The following ZFHX2 variants were observed in gnomAD, a reference collection of about 807,000 sequenced individuals.
The protein encoded by ZFHX2 is zinc finger homeobox protein 2.
ZFHX2 carries 75 observed loss-of-function variants against 164.8 expected under a neutral mutation model. The observed-to-expected ratio is 0.46, with a 90% CI of 0.38 to 0.55. The LOEUF (loss-of-function observed/expected upper bound fraction) is 0.55. Among genes scored for constraint, ZFHX2 ranks in the 20% least tolerant of loss-of-function variants. The pLI is 0.00. For synonymous variants in ZFHX2, 1,217 were observed against 1,351.4 expected, an observed-to-expected ratio of 0.90 and a Z score of 2.18; for missense variants, 2,933 against 3,308.0, an observed-to-expected ratio of 0.89 and a Z score of 2.78.
Position 23,525,716 on chromosome 14 carries a change from T to G in ZFHX2, c.4226A>C (p.Glu1409Ala). ...TTTGGCCATGGGGGGCCGCTCCCAC[T>G]CCCGCTCAGCCAGCTCAGCCTTGGG... ...QPPKAELAER[E>A]WERPPMAKEG... The change falls in exon 9 of 10, where the codon GAG becomes GCG. Residue 1409 changes from glutamate (E) to alanine (A), a missense_variant. Transcript: ENST00000419474. This position sits in a 1 kb window ranked among gnomAD's most constrained non-coding sequence, Gnocchi z 5.9. 6.6e-7 allele frequency: 1 copy of G among 1,518,802 alleles called. No individual in the cohort carries two copies. Among genetic ancestry groups the G allele is most frequent in the Non-Finnish European group, 8.8e-7 (1 of 1,137,298 alleles). 94.1% of individuals were successfully genotyped at this position (1,518,802 alleles called of 1,614,324 possible). A position where few individuals can be genotyped will look rare whatever the true frequency, so the allele number is the denominator to read the frequency against.
Position 23,522,695 on chromosome 14 carries a change from T to C in ZFHX2, c.6986A>G (p.Asn2329Ser). The C allele has an allele frequency of 6.5e-7, 1 of 1,536,464 alleles. No individual in the cohort carries two copies. Among genetic ancestry groups the C allele is most frequent in the South Asian group, 1.2e-5 (1 of 84,050 alleles). ...PTSSSNDALKNLKALKTTVPA... is the reference protein window; with the variant it reads ...PTSSSNDALKSLKALKTTVPA... ...GACAGTGGTCTTCAATGCTTTGAGG[T>C]TCTTGAGGGCATCATTGGAGGAGCT... Residue 2329 changes from asparagine (N) to serine (S), a missense_variant, in exon 10 of 10, where the codon AAC becomes AGC. Transcript: ENST00000419474.
Position 23,526,105 on chromosome 14 carries a change from G to C in ZFHX2, c.3837C>G (p.Thr1279=), listed in dbSNP as rs1212635104. ...SVLHQTRSRG[T]KTDSKIEGPE... ...GCCCTTCAATCTTGGAATCAGTCTT[G>C]GTTCCCCGAGAGCGAGTCTGATGCA... is the stretch of plus-strand genomic sequence containing the variant. The change falls in exon 9 of 10, where the codon ACC becomes ACG. Residue 1279 remains threonine (T), a synonymous_variant. Transcript: ENST00000419474. 2 of 1,536,346 alleles carry C rather than the reference G, an allele frequency of 1.3e-6. No homozygotes were observed. Among genetic ancestry groups the C allele is most frequent in the African/African-American group, 2.7e-5 (2 of 73,006 alleles).
chr14:23,525,832 G>C lies in ZFHX2; in HGVS notation c.4110C>G (p.His1370Gln), dbSNP rs555668616. ...QQQLLLPFYL[H>Q]DLKVGPKLTL... ...TCAGCTTGGGCCCCACCTTGAGATC[G>C]TGGAGGTAGAAGGGCAGGAGCAGCT... is the stretch of plus-strand genomic sequence containing the variant. The change falls in exon 9 of 10, where the codon CAC becomes CAG. Residue 1370 changes from histidine to glutamine, a missense_variant. His to Gln is a conservative substitution (Grantham distance 24). Coordinates refer to ENST00000419474, the MANE Select transcript of ZFHX2 (RefSeq NM_033400.3). The surrounding 1 kb of genome is among the most constrained non-coding windows in gnomAD (Gnocchi z 5.9). The C allele has an allele frequency of 2.7e-6, 4 of 1,457,808 alleles. No individual in the cohort carries two copies. Among genetic ancestry groups the C allele is most frequent in the African/African-American group, 2.8e-5 (2 of 70,362 alleles). 90.3% of individuals were successfully genotyped at this position (1,457,808 alleles called of 1,614,324 possible).
Position 23,535,773 on chromosome 14 carries a change from G to A in ZFHX2, c.-49-399C>T, listed in dbSNP as rs1181780480. Among the ~76,000 whole-genome samples the A allele has an allele frequency of 6.6e-6, 1 of 152,002 alleles. No individual in the cohort carries two copies. Among genetic ancestry groups the A allele is most frequent in the African/African-American group, 2.4e-5 (1 of 41,352 alleles). On this transcript the variant is annotated intron_variant, in intron 1 of 9. Transcript: ENST00000419474. The surrounding 1 kb of genome is among the most constrained non-coding windows in gnomAD (Gnocchi z 4.5). Reference sequence around the variant, plus strand: ...ACACCTGACTAATTTTGTATTTTTAGTAGAGACGGGGTTTCTCCGTGTTGG... The same window carrying A: ...ACACCTGACTAATTTTGTATTTTTAATAGAGACGGGGTTTCTCCGTGTTGG...
At chr14:23,552,917 T>A (rs1882084146), upstream of ZFHX2, among the ~76,000 whole-genome samples, 1 of 152,042 alleles carries the variant, frequency 6.6e-6, no homozygotes, top group South Asian at 2.1e-4. Context: ...TGTATTCTAA[T>A]AATAATTTTT....
chr14:23,523,306 CATGGAGGCAGGT>C lies in ZFHX2; in HGVS notation c.6624_6635del (p.Ala2210_Pro2213del). 3.5e-6 allele frequency: 5 copies of C among 1,448,860 alleles called. No homozygotes were observed. The highest frequency in any genetic ancestry group is 4.5e-6 in the Non-Finnish European group (5 of 1,105,650). The allele number at this position is 1,448,860 out of a possible 1,614,324, so 89.8% of individuals were successfully genotyped here. ...GCAAGGTTGGGGCAGCCCCGAGGGG[CATGGAGGCAGGT>C]GTGGTGGCAGGTGGGGCCTTGAGAG... is the stretch of plus-strand genomic sequence containing the variant. On this transcript the variant is annotated inframe_deletion, in exon 9 of 10. Transcript: ENST00000419474. This position sits in a 1 kb window ranked among gnomAD's most constrained non-coding sequence, Gnocchi z 4.1.
chr14:23,526,778 T>C (rs1878769201), intron 8 of ZFHX2, 69 bp downstream of exon 8: 3 of 1,527,888 alleles, frequency 2.0e-6, no homozygotes, highest in Non-Finnish European at 2.6e-6. Context: ...CTCAGTCATC[T>C]TCAGACCTTG....
At chr14:23,531,404 A>G (rs1879535595) in intron 4 of ZFHX2, 77 bp downstream of exon 4, 1 of 1,331,294 alleles carries the variant, frequency 7.5e-7, no homozygotes. Context: ...TGTATCTCTA[A>G]CTCCGCAGCC....
Position 23,530,113 on chromosome 14 carries a change from A to G in ZFHX2, c.2875+7T>C, listed in dbSNP as rs1433457208. 6.5e-7 allele frequency: 1 copy of G among 1,535,866 alleles called. No homozygotes were observed. Among genetic ancestry groups the G allele is most frequent in the Non-Finnish European group, 8.7e-7 (1 of 1,146,758 alleles). On this transcript the variant is annotated splice_region_variant and intron_variant, in intron 5 of 9. Coordinates refer to ENST00000419474, the MANE Select transcript of ZFHX2 (RefSeq NM_033400.3). ...GGAGGACTGGGGGGAAGGGAGGGAAAACTCACCCAATTGTTCTGTCTTGTT... is the reference window on the plus strand; with the variant it reads ...GGAGGACTGGGGGGAAGGGAGGGAAGACTCACCCAATTGTTCTGTCTTGTT...
chr14:23,552,076 C>CT (rs1217154958), upstream of ZFHX2, among the ~76,000 whole-genome samples: 1 of 152,106 alleles, frequency 6.6e-6, no homozygotes, highest in Non-Finnish European at 1.5e-5. Flanking sequence ...CCAAGGCCTC[C>CT]TTTTTTCATT....
chr14:23,534,981 G>A lies in ZFHX2; in HGVS notation c.345C>T (p.Phe115=). The A allele has an allele frequency of 3.9e-6, 6 of 1,536,168 alleles. No individual in the cohort carries two copies. Among genetic ancestry groups the A allele is most frequent in the Non-Finnish European group, 5.2e-6 (6 of 1,146,916 alleles). Residue 115 remains phenylalanine, a synonymous_variant, in exon 2 of 10, where the codon TTC becomes TTT. Transcript: ENST00000419474. This position sits in a 1 kb window ranked among gnomAD's most constrained non-coding sequence, Gnocchi z 4.5. The part of the protein sequence containing the change: ...LPPMDLSNHL[F]FTAGGEAYLV... ...GGTAGGCCTCACCTCCAGCTGTGAA[G>A]AATAAGTGGTTGCTTAGGTCCATGG...
intron 6 of ZFHX2, 87 bp from the exon 7 acceptor site, chr14:23,527,891 GC>G: frequency 1.2e-6 from 1 of 868,318 alleles, no homozygotes; most frequent in Non-Finnish European, 1.7e-6. Flanking sequence ...GCACTGGCCC[GC>G]CCCCACTCCT....
chr14:23,538,309 A>C (rs1471396631), intron 1 of ZFHX2, among the ~76,000 whole-genome samples: 4 of 151,484 alleles, frequency 2.6e-5, no homozygotes, highest in Non-Finnish European at 5.9e-5. Flanking sequence ...GCCTCAGTAC[A>C]TCCTCCCCCA....
At chr14:23,538,855 C>T (rs976523149) in intron 1 of ZFHX2, among the ~76,000 whole-genome samples, 4 of 152,040 alleles carry the variant, frequency 2.6e-5, no homozygotes, top group African/African-American at 4.8e-5. Context: ...CAGGCAGTGG[C>T]GGTGCTGTGA....
intron 5 of ZFHX2, 131 bp from the exon 6 acceptor site, chr14:23,529,899 C>G (rs1879302503): frequency 2.9e-6 from 3 of 1,023,598 alleles, no homozygotes; most frequent in Non-Finnish European, 4.3e-6. Flanking sequence ...TGAGGCTTGG[C>G]AAGGGCTGAC....
In ZFHX2 at chr14:23,528,979, C is replaced by T. The variant is rs78623524; in HGVS notation, c.2934+731G>A. On this transcript the variant is annotated intron_variant, in intron 6 of 9. Transcript: ENST00000419474. Reference sequence around the variant, plus strand: ...CCTGGAGCAGACATCTGGAAGAGGTCTGTTGGCGGGAGCAGGAGTTAGGAA... The same window carrying T: ...CCTGGAGCAGACATCTGGAAGAGGTTTGTTGGCGGGAGCAGGAGTTAGGAA... Among the ~76,000 whole-genome samples, 891 of 152,344 alleles carry T rather than the reference C, an allele frequency of 5.8e-3. 9 individuals are homozygous for T. Among genetic ancestry groups the T allele is most frequent in the Admixed American group, 0.011 (172 of 15,308 alleles).
chr14:23,525,582 G>T lies in ZFHX2; in HGVS notation c.4360C>A (p.Gln1454Lys). 2 of 1,535,678 alleles carry T rather than the reference G, an allele frequency of 1.3e-6. No individual in the cohort carries two copies. Among genetic ancestry groups the T allele is most frequent in the Non-Finnish European group, 1.7e-6 (2 of 1,146,862 alleles). ...ACAGCTTGCTTCCCTTCATTGTACT[G>T]GATCACCAGCTCAAAGCCAAAGTTT... Reference protein sequence around the residue: ...LENFGFELVIQYNEGKQAVPP... With the variant: ...LENFGFELVIKYNEGKQAVPP... The change falls in exon 9 of 10, where the codon CAG becomes AAG. Residue 1454 changes from glutamine to lysine, a missense_variant. Physicochemically the swap from Gln to Lys is moderately conservative, Grantham distance 53 (BLOSUM62 1). Transcript: ENST00000419474. This position sits in a 1 kb window ranked among gnomAD's most constrained non-coding sequence, Gnocchi z 5.9.
chr14:23,538,529 G>A (rs577291144), intron 1 of ZFHX2, among the ~76,000 whole-genome samples: 1 of 151,972 alleles, frequency 6.6e-6, no homozygotes, highest in African/African-American at 2.4e-5. Flanking sequence ...AAACGGACAG[G>A]CCTAAGAGTC....
Position 23,534,600 on chromosome 14 carries a change from G to A in ZFHX2, c.726C>T (p.Cys242=), listed in dbSNP as rs971272565. Residue 242 remains cysteine (C), a synonymous_variant, in exon 2 of 10, where the codon TGC becomes TGT. Coordinates refer to ENST00000419474, the MANE Select transcript of ZFHX2 (RefSeq NM_033400.3). This position sits in a 1 kb window ranked among gnomAD's most constrained non-coding sequence, Gnocchi z 4.5. ...HVAVFWLCLL[C]RLGFSKPQAF... is the part of the protein sequence containing the mutation. ...CCTGGGGCTTGCTGAAACCCAGGCG[G>A]CACAGAAGGCAGAGCCAGAAGACCG... is the stretch of plus-strand genomic sequence containing the variant. 2.6e-6 allele frequency: 4 copies of A among 1,536,152 alleles called. No homozygotes were observed. In the South Asian group the frequency reaches 3.6e-5, roughly 14 times the overall value.
Sources: gnomAD v4.1 joint callset for allele counts (sites outside exome capture counted in the v4.1 genomes callset) on GRCh38, gnomAD v4.1.1 for gene constraint, Gnocchi (gnomAD v3.1) non-coding constraint, MANE v1.5 for transcripts, NCBI Gene and HGNC (gene_info 2026-07-23, HGNC 2026-07-21) for gene names.